SNTB2: variants seen among roughly 807,000 people sequenced by gnomAD.
The protein encoded by SNTB2 is syntrophin beta 2.
SNTB2 carries 34 observed loss-of-function variants against 46.2 expected under a neutral mutation model. That is an observed-to-expected ratio of 0.74 (90% CI 0.56 to 0.98). The LOEUF (loss-of-function observed/expected upper bound fraction) is 0.98, where lower values mean the gene tolerates loss of function less well. SNTB2 is among the 50% of genes least tolerant of loss of function. The pLI is 0.00. For missense variants in SNTB2, 603 were observed against 731.4 expected, an observed-to-expected ratio of 0.82 and a Z score of 2.02; for synonymous variants, 290 against 312.6, an observed-to-expected ratio of 0.93 and a Z score of 0.76.
intron 1 of SNTB2, among the ~76,000 whole-genome samples, chr16:69,227,407 T>C (rs1216825702): frequency 6.6e-6 from 1 of 152,220 alleles, no homozygotes; most frequent in Non-Finnish European, 1.5e-5. Flanking sequence ...TTCACCTTGC[T>C]TTAAGAGGTT....
intron 3 of SNTB2, among the ~76,000 whole-genome samples, chr16:69,269,181 A>G (rs1964914449): frequency 6.6e-6 from 1 of 152,024 alleles, no homozygotes; most frequent in South Asian, 2.1e-4. Flanking sequence ...AAAAGAAGAA[A>G]AAAAAAAATA....
At chr16:69,295,295 G>A (rs541538564) in intron 5 of SNTB2, among the ~76,000 whole-genome samples, 1 of 127,862 alleles carries the variant, frequency 7.8e-6, no homozygotes, top group East Asian at 2.5e-4. Flanking sequence ...CCAGGCTGGA[G>A]TACAGTGGCC....
At chr16:69,207,285 C>T (rs1964232741) in intron 1 of SNTB2, among the ~76,000 whole-genome samples, 1 of 151,676 alleles carries the variant, frequency 6.6e-6, no homozygotes, top group Non-Finnish European at 1.5e-5. Context: ...TCCCGAGTAG[C>T]TTGGACTATA....
chr16:69,267,766 A>G (rs1251650317), intron 3 of SNTB2, among the ~76,000 whole-genome samples: 2 of 152,102 alleles, frequency 1.3e-5, no homozygotes, highest in African/African-American at 4.8e-5. Context: ...ACCAAACCAC[A>G]CATGCCACTT....
chr16:69,196,057 G>A (rs551855020), intron 1 of SNTB2, among the ~76,000 whole-genome samples: 1 of 152,238 alleles, frequency 6.6e-6, no homozygotes, highest in South Asian at 2.1e-4. Context: ...GCACAACATG[G>A]CGAGACCCTG....
chr16:69,274,754 T>G (rs1338189538), intron 4 of SNTB2, among the ~76,000 whole-genome samples: 2 of 151,532 alleles, frequency 1.3e-5, no homozygotes, highest in East Asian at 1.9e-4. Context: ...AGCCCAGTAG[T>G]TCAAGACCAG....
intron 2 of SNTB2, among the ~76,000 whole-genome samples, chr16:69,258,362 A>G (rs1245535411): frequency 6.6e-6 from 1 of 152,162 alleles, no homozygotes; most frequent in African/African-American, 2.4e-5. Context: ...ACACAAAACA[A>G]TATTCAATAG....
chr16:69,245,957 T>C, intron 2 of SNTB2, 142 bp downstream of exon 2: 1 of 842,786 alleles, frequency 1.2e-6, no homozygotes, highest in South Asian at 1.7e-5. Flanking sequence ...GGGTTCCACA[T>C]TTTAAGTTAT....
chr16:69,215,937 G>A (rs1232110352), intron 1 of SNTB2, among the ~76,000 whole-genome samples: 1 of 152,008 alleles, frequency 6.6e-6, no homozygotes, highest in Non-Finnish European at 1.5e-5. Flanking sequence ...TGAGTAGCTA[G>A]GACCACCGGT....
In SNTB2 at chr16:69,265,117, C is replaced by T. The variant is rs1030343394; in HGVS notation, c.1005+4857C>T. On this transcript the variant is annotated intron_variant, in intron 3 of 6. Coordinates refer to ENST00000336278, the MANE Select transcript of SNTB2 (RefSeq NM_006750.4). ...ACAAAAAATTAGCTGGGTGTGGTGG[C>T]GGGCGCCTGTACTCCCAGCTACTGG... Among the ~76,000 whole-genome samples, 7 of 152,026 alleles carry T rather than the reference C, an allele frequency of 4.6e-5. No individual in the cohort carries two copies. The East Asian group carries it at 9.7e-4, about 21-fold the overall frequency.
intron 5 of SNTB2, among the ~76,000 whole-genome samples, chr16:69,288,196 G>A (rs990863914): frequency 6.6e-6 from 1 of 152,064 alleles, no homozygotes; most frequent in Non-Finnish European, 1.5e-5. Flanking sequence ...AATTCAAGGG[G>A]ATATGCTTCC....
At chr16:69,288,845 A>G (rs116689785) in intron 5 of SNTB2, among the ~76,000 whole-genome samples, 184 of 152,322 alleles carry the variant, frequency 1.2e-3, no homozygotes, top group African/African-American at 3.8e-3. Flanking sequence ...ACACAAAGGG[A>G]TACTATTTGG....
intron 3 of SNTB2, among the ~76,000 whole-genome samples, chr16:69,268,542 G>A (rs1428192605): frequency 1.3e-5 from 2 of 152,064 alleles, no homozygotes; most frequent in African/African-American, 2.4e-5. Context: ...AAGCTGCTAA[G>A]TTCTGGGTTA....
At chr16:69,248,670 A>G (rs1964694595) in intron 2 of SNTB2, among the ~76,000 whole-genome samples, 1 of 152,016 alleles carries the variant, frequency 6.6e-6, no homozygotes, top group Non-Finnish European at 1.5e-5. Context: ...AATGAGATAC[A>G]TTTGAGCTAG....
chr16:69,246,767 A>G (rs990030064), intron 2 of SNTB2, among the ~76,000 whole-genome samples: 9 of 149,132 alleles, frequency 6.0e-5, no homozygotes, highest in African/African-American at 2.2e-4. Context: ...CAGAGATTCA[A>G]CTTCTTCCTG....
chr16:69,206,254 C>T (rs1964217434), intron 1 of SNTB2, among the ~76,000 whole-genome samples: 1 of 152,160 alleles, frequency 6.6e-6, no homozygotes, highest in African/African-American at 2.4e-5. Context: ...TCTGCCTCAG[C>T]CTCCCAAGGA....
chr16:69,256,369 A>G (rs1964776314), intron 2 of SNTB2, among the ~76,000 whole-genome samples: 1 of 152,092 alleles, frequency 6.6e-6, no homozygotes, highest in African/African-American at 2.4e-5. Context: ...TTTCTTAATC[A>G]TTTTTAAGTG....
chr16:69,226,916 A>T (rs910456363), intron 1 of SNTB2, among the ~76,000 whole-genome samples: 1 of 152,094 alleles, frequency 6.6e-6, no homozygotes, highest in African/African-American at 2.4e-5. Context: ...TACTAAGGAG[A>T]ATTTTGCTTT....
chr16:69,245,752 A>T lies in SNTB2; in HGVS notation c.731A>T (p.Lys244Met). The change falls in exon 2 of 7, where the codon AAG becomes ATG. Residue 244 changes from lysine to methionine, a missense_variant. Coordinates refer to ENST00000336278, the MANE Select transcript of SNTB2 (RefSeq NM_006750.4). ...CACCAGAACAGCACCAAGGACAGGA[A>T]GATCATCCCTCTCAAAATGTGCTTT... ...PKHQNSTKDR[K>M]IIPLKMCFAA... 4.3e-6 allele frequency: 7 copies of T among 1,614,158 alleles called. No homozygotes were observed. The highest frequency in any genetic ancestry group is 5.9e-6 in the Non-Finnish European group (7 of 1,180,020).
Sources: gnomAD v4.1 joint callset for allele counts (sites outside exome capture counted in the v4.1 genomes callset) on GRCh38, gnomAD v4.1.1 for gene constraint, MANE v1.5 for transcripts, NCBI Gene and HGNC (gene_info 2026-07-23, HGNC 2026-07-21) for gene names.